ZDHHC3: variants seen among roughly 807,000 people sequenced by gnomAD.
ZDHHC3 encodes the protein zDHHC palmitoyltransferase 3.
Under a neutral mutation model 30.6 loss-of-function variants are expected in ZDHHC3, and 9 were observed. The ratio of observed to expected loss-of-function variants is 0.29; its 90% CI spans 0.18 to 0.51. ZDHHC3 has a LOEUF of 0.51. Ranked by LOEUF, ZDHHC3 falls within the 20% of genes least tolerant of loss-of-function variation. The pLI is 0.97. For synonymous variants in ZDHHC3, 136 were observed against 140.2 expected, an observed-to-expected ratio of 0.97 and a Z score of 0.21; for missense variants, 246 against 384.2, an observed-to-expected ratio of 0.64 and a Z score of 3.01.
At chr3:44,955,359 A>G (rs1165864042) in intron 2 of ZDHHC3, among the ~76,000 whole-genome samples, 1 of 152,014 alleles carries the variant, frequency 6.6e-6, no homozygotes, top group African/African-American at 2.4e-5. Flanking sequence ...ATGGTCCAGA[A>G]GGCTATAGTG....
Position 44,926,811 on chromosome 3 carries a change from C to T in ZDHHC3, c.778G>A (p.Ala260Thr). 6.2e-7 allele frequency: 1 copy of T among 1,612,308 alleles called. No individual in the cohort carries two copies. The highest frequency in any genetic ancestry group is 8.5e-7 in the Non-Finnish European group (1 of 1,179,460). The part of the protein sequence containing the change: ...EQLKKEERRW[A>T]KKTKWMNMKA... The stretch of plus-strand genomic sequence containing the variant: ...ATGTTCATCCATTTTGTTTTTTTAG[C>T]CCATCTTCTCTCTTCCTTTTTCAAT... The change falls in exon 7 of 7, where the codon GCT (alanine) becomes ACT (threonine). Residue 260 changes from alanine to threonine, a missense_variant. Transcript: ENST00000424952.
In ZDHHC3 at chr3:44,972,705, G is replaced by A. The variant is rs185251927; in HGVS notation, c.-25+3228C>T. ...CTCTTCTAATTGCCACGTCTCAATTGAGCACTTTATTTTATTGTCTTGTTC... is the reference window on the plus strand; with the variant it reads ...CTCTTCTAATTGCCACGTCTCAATTAAGCACTTTATTTTATTGTCTTGTTC... On this transcript the variant is annotated intron_variant, in intron 1 of 6. Coordinates refer to ENST00000424952, the MANE Select transcript of ZDHHC3 (RefSeq NM_001135179.2). 3.2e-3 allele frequency among the ~76,000 whole-genome samples: 489 copies of A among 152,236 alleles called. 2 individuals are homozygous for A. Among genetic ancestry groups the A allele is most frequent in the African/African-American group, 0.011 (466 of 41,536 alleles).
chr3:44,976,040 G>C lies in ZDHHC3; in HGVS notation c.-132C>G, dbSNP rs150334648. The C allele has an allele frequency of 1.1e-4, 43 of 402,404 alleles. No homozygotes were observed. The East Asian group carries it at 1.5e-3, about 14-fold the overall frequency. 24.9% of individuals were successfully genotyped at this position (402,404 alleles called of 1,614,324 possible). A position where few individuals can be genotyped will look rare whatever the true frequency, so the allele number is the denominator to read the frequency against. On this transcript the variant is annotated 5_prime_UTR_variant, in exon 1 of 7. Transcript: ENST00000424952. ...AACCCGGGACCCGGCCTCGGGCTTC[G>C]GCGATGGCTCCTCGGAACGAGGCGC...
intron 1 of ZDHHC3, among the ~76,000 whole-genome samples, chr3:44,967,664 C>T (rs918457574): frequency 2.6e-5 from 4 of 152,044 alleles, no homozygotes; most frequent in African/African-American, 9.7e-5. Context: ...ATCATTTATA[C>T]ATTGCAATGA....
At position 44,925,800 on chromosome 3, in the gene ZDHHC3, C is replaced by G; in HGVS notation, c.*889G>C. 1 of 985,798 alleles carries G rather than the reference C, an allele frequency of 1.0e-6. No individual in the cohort carries two copies. Among genetic ancestry groups the G allele is most frequent in the Non-Finnish European group, 1.2e-6 (1 of 829,928 alleles). The allele number at this position is 985,798 out of a possible 1,614,324, so 61.1% of individuals were successfully genotyped here. ...GGGCTGTATGTGTTGGGCACTGGTG[C>G]CTATTGCAGTCAGAATTCACACTGC... On this transcript the variant is annotated 3_prime_UTR_variant, in exon 7 of 7. Transcript: ENST00000424952.
intron 3 of ZDHHC3, among the ~76,000 whole-genome samples, chr3:44,934,520 A>T (rs555226183): frequency 1.3e-5 from 2 of 149,766 alleles, no homozygotes; most frequent in South Asian, 4.3e-4. Context: ...CAAGGACAGC[A>T]GGAGGCCCAG....
At chr3:44,969,397 T>C (rs373445971) in intron 1 of ZDHHC3, among the ~76,000 whole-genome samples, 23 of 152,196 alleles carry the variant, frequency 1.5e-4, no homozygotes, top group African/African-American at 5.3e-4. Flanking sequence ...AAATGCCCAC[T>C]TCCCCATCCT....
Position 44,959,450 on chromosome 3 carries a change from C to T in ZDHHC3, c.-14G>A. The T allele has an allele frequency of 6.2e-7, 1 of 1,601,590 alleles. No individual in the cohort carries two copies. Among genetic ancestry groups the T allele is most frequent in the Non-Finnish European group, 8.5e-7 (1 of 1,170,804 alleles). ...GATAAGCATCATAAGCTATTCTGTC[C>T]ATACTGGCATCTGAAAGAGAGAGGA... On this transcript the variant is annotated 5_prime_UTR_variant, in exon 2 of 7. It removes an upstream start codon present in the reference 5' UTR. Coordinates refer to ENST00000424952, the MANE Select transcript of ZDHHC3 (RefSeq NM_001135179.2). The surrounding 1 kb of genome is among the most constrained non-coding windows in gnomAD (Gnocchi z 4.3).
chr3:44,956,423 C>T (rs996934723), intron 2 of ZDHHC3, among the ~76,000 whole-genome samples: 2 of 152,238 alleles, frequency 1.3e-5, no homozygotes, highest in African/African-American at 4.8e-5. Flanking sequence ...CCAGGCTGCT[C>T]TAGCTAAGAC....
chr3:44,936,747 A>T (rs1701994105), intron 3 of ZDHHC3, among the ~76,000 whole-genome samples: 1 of 152,206 alleles, frequency 6.6e-6, no homozygotes, highest in South Asian at 2.1e-4. Flanking sequence ...AGGGCCAGAA[A>T]GATAACTATT....
At chr3:44,966,385 A>C (rs1704954181) in intron 1 of ZDHHC3, among the ~76,000 whole-genome samples, 1 of 152,158 alleles carries the variant, frequency 6.6e-6, no homozygotes, top group Non-Finnish European at 1.5e-5. Context: ...CTGAATTCCC[A>C]CCTAAACTAA....
At position 44,933,965 on chromosome 3, in the gene ZDHHC3, G is replaced by T. The variant is rs779014520; in HGVS notation, c.451C>A (p.Arg151=). The change falls in exon 4 of 7, where the codon CGG becomes AGG. Residue 151 remains arginine (R), a synonymous_variant. Coordinates refer to ENST00000424952, the MANE Select transcript of ZDHHC3 (RefSeq NM_001135179.2). ...CAGGGACAGTGGTGGTCCATCTTCC[G>T]AATGCACCGCTTACAAACACTGAAA... is the stretch of plus-strand genomic sequence containing the variant. ...HHCSVCKRCI[R]KMDHHCPWVN... The T allele has an allele frequency of 6.2e-7, 1 of 1,614,128 alleles. No individual in the cohort carries two copies. The highest frequency in any genetic ancestry group is 1.3e-5 in the African/African-American group (1 of 75,022).
chr3:44,935,706 A>G (rs1442024802), intron 3 of ZDHHC3, among the ~76,000 whole-genome samples: 1 of 152,216 alleles, frequency 6.6e-6, no homozygotes, highest in African/African-American at 2.4e-5. Flanking sequence ...GTTCCTGTCA[A>G]ACAGCTTTGT....
Position 44,917,942 on chromosome 3 carries a change from A to T in ZDHHC3, c.*8747T>A. ...GAGTCCTCGTCCTTTGTCTCCTCTG[A>T]TGGATCCTCCATTGTTTCGGTGTCT... On this transcript the variant is annotated 3_prime_UTR_variant, in exon 7 of 7. Transcript: ENST00000424952. The T allele has an allele frequency of 1.5e-6, 2 of 1,305,164 alleles. No individual in the cohort carries two copies. The highest frequency in any genetic ancestry group is 2.0e-6 in the Non-Finnish European group (2 of 988,944). The allele number at this position is 1,305,164 out of a possible 1,614,324, so 80.8% of individuals were successfully genotyped here. A position where few individuals can be genotyped will look rare whatever the true frequency, so the allele number is the denominator to read the frequency against.
chr3:44,955,386 T>C (rs922573698), intron 2 of ZDHHC3, among the ~76,000 whole-genome samples: 2 of 151,714 alleles, frequency 1.3e-5, no homozygotes, highest in Non-Finnish European at 2.9e-5. Flanking sequence ...ATTGTTCAGA[T>C]ATTACACTTG....
chr3:44,948,393 G>A (rs750929483), intron 2 of ZDHHC3, among the ~76,000 whole-genome samples: 47 of 152,302 alleles, frequency 3.1e-4, no homozygotes, highest in Non-Finnish European at 4.1e-4. Flanking sequence ...CTGTGGTTCT[G>A]TCTTGCACTG....
chr3:44,965,545 T>C (rs915462927), intron 1 of ZDHHC3, among the ~76,000 whole-genome samples: 2 of 152,116 alleles, frequency 1.3e-5, no homozygotes, highest in South Asian at 4.1e-4. Context: ...TGACTGCTAG[T>C]GATGGGCAGA....
Position 44,929,288 on chromosome 3 carries a change from G to A in ZDHHC3, c.741+18C>T, listed in dbSNP as rs77560820. 4,589 of 1,612,678 alleles carry A rather than the reference G, an allele frequency of 2.8e-3. 130 individuals carry two copies. The African/African-American group carries it at 0.053, about 19-fold the overall frequency. On this transcript the variant is annotated intron_variant, in intron 6 of 6. Coordinates refer to ENST00000424952, the MANE Select transcript of ZDHHC3 (RefSeq NM_001135179.2). The stretch of plus-strand genomic sequence containing the variant: ...CCATCCCCAGGTGTGGAAATGGTGG[G>A]CAGAGCCACCTGCTTACCGTCTCAT...
At position 44,924,889 on chromosome 3, in the gene ZDHHC3, G is replaced by A. The variant is rs2125796995; in HGVS notation, c.*1800C>T. 7 of 985,510 alleles carry A rather than the reference G, an allele frequency of 7.1e-6. No homozygotes were observed. Among genetic ancestry groups the A allele is most frequent in the East Asian group, 2.3e-4 (2 of 8,814 alleles). The allele number at this position is 985,510 out of a possible 1,614,324, so 61.0% of individuals were successfully genotyped here. On this transcript the variant is annotated 3_prime_UTR_variant, in exon 7 of 7. Coordinates refer to ENST00000424952, the MANE Select transcript of ZDHHC3 (RefSeq NM_001135179.2). ...TCGCCCGTATCGCATGAATAGCACC[G>A]TAGACACGAGGTAAAGTTAACTGAC... is the stretch of plus-strand genomic sequence containing the variant.
Sources: gnomAD v4.1 joint callset for allele counts (sites outside exome capture counted in the v4.1 genomes callset) on GRCh38, gnomAD v4.1.1 for gene constraint, Gnocchi (gnomAD v3.1) non-coding constraint, MANE v1.5 for transcripts, NCBI Gene and HGNC (gene_info 2026-07-23, HGNC 2026-07-21) for gene names.